Variants in CRACDL observed in about 807,000 individuals in gnomAD.
CRACDL encodes CRACD like, also known as CRACD-like protein.
A neutral mutation model predicts 70.6 loss-of-function variants in CRACDL; 26 were observed. The observed-to-expected ratio is 0.37, with a 90% confidence interval of 0.27 to 0.51. The LOEUF (loss-of-function observed/expected upper bound fraction) is 0.51, where lower values mean the gene tolerates loss of function less well. Ranked by LOEUF, CRACDL falls within the 20% of genes least tolerant of loss-of-function variation. The pLI is 0.94. For synonymous variants in CRACDL, 618 were observed against 615.2 expected (o/e 1.00, Z -0.07); for missense variants, 1,283 against 1,376.9 (o/e 0.93, Z 1.08).
At chr2:98,893,005 C>T (rs1318963829) in intron 1 of CRACDL, among the ~76,000 whole-genome samples, 6 of 152,190 alleles carry the variant, frequency 3.9e-5, no homozygotes, top group Admixed American at 2.6e-4. Flanking sequence ...AATCCCTGGC[C>T]GGCTCCCGTG....
intron 3 of CRACDL, among the ~76,000 whole-genome samples, chr2:98,833,345 G>A (rs1705628437): frequency 6.6e-6 from 1 of 152,264 alleles, no homozygotes; most frequent in South Asian, 2.1e-4. Flanking sequence ...GCCTGTCCCG[G>A]CTGCCCCAGG....
Position 98,822,816 on chromosome 2 carries a change from G to A in CRACDL, c.1457C>T (p.Ala486Val), listed in dbSNP as rs1179392406. 41 of 1,385,084 alleles carry A rather than the reference G, an allele frequency of 3.0e-5. No homozygotes were observed. Among genetic ancestry groups the A allele is most frequent in the Non-Finnish European group, 3.5e-5 (38 of 1,074,514 alleles). 85.8% of individuals were successfully genotyped at this position (1,385,084 alleles called of 1,614,324 possible). A position where few individuals can be genotyped will look rare whatever the true frequency, so the allele number is the denominator to read the frequency against. Residue 486 changes from alanine (A) to valine (V), a missense_variant, in exon 7 of 10, where the codon GCG becomes GTG. Physicochemically the swap from Ala to Val is moderately conservative, Grantham distance 64. Around this residue, in one of 2 missense-constraint regions of CRACDL, gnomAD observed 921 missense variants for 881.9 expected, o/e 1.04. Coordinates refer to ENST00000397899, the MANE Select transcript of CRACDL (RefSeq NM_207362.3). This position sits in a 1 kb window ranked among gnomAD's most constrained non-coding sequence, Gnocchi z 4.9. ...PERIGTEPST[A>V]PAPSPPAPKS... ...GGGCGCCGGCGGGCTCGGGGCGGGC[G>A]CCGTGGAGGGCTCGGTCCCAATTCT...
At chr2:98,923,189 T>G (rs1263639458) in intron 1 of CRACDL, among the ~76,000 whole-genome samples, 12 of 150,964 alleles carry the variant, frequency 7.9e-5, no homozygotes, top group Admixed American at 7.9e-4. Flanking sequence ...GAGAATCACT[T>G]GAACCCAGGA....
chr2:98,821,801 C>T, intron 7 of CRACDL, 56 bp downstream of exon 7: 2 of 1,577,694 alleles, frequency 1.3e-6, no homozygotes, highest in Non-Finnish European at 1.7e-6. Context: ...AAGATGTGCC[C>T]GTGGATGTGG....
At chr2:98,898,527 G>A (rs560496581) in intron 1 of CRACDL, among the ~76,000 whole-genome samples, 28 of 152,360 alleles carry the variant, frequency 1.8e-4, no homozygotes, top group Non-Finnish European at 3.1e-4. Flanking sequence ...GAGCATGCTC[G>A]GGGCCAGGGC....
intron 1 of CRACDL, among the ~76,000 whole-genome samples, chr2:98,934,578 C>T (rs1053862318): frequency 2.6e-5 from 4 of 152,192 alleles, no homozygotes; most frequent in African/African-American, 7.2e-5. Flanking sequence ...CCCCACATGA[C>T]GCATCCTATG....
intron 7 of CRACDL, among the ~76,000 whole-genome samples, chr2:98,808,074 C>G (rs140960579): frequency 6.6e-6 from 1 of 152,322 alleles, no homozygotes; most frequent in Non-Finnish European, 1.5e-5. Context: ...TTTAATTTCG[C>G]TTACATTTAC....
At chr2:98,800,313 G>A (rs1043509443) in intron 7 of CRACDL, among the ~76,000 whole-genome samples, 1 of 152,150 alleles carries the variant, frequency 6.6e-6, no homozygotes, top group Non-Finnish European at 1.5e-5. Flanking sequence ...GTTGGGATCT[G>A]GAGAACAATC....
chr2:98,923,252 CAG>C (rs1708844905), intron 1 of CRACDL, among the ~76,000 whole-genome samples: 2 of 142,262 alleles, frequency 1.4e-5, no homozygotes, highest in African/African-American at 5.3e-5. Flanking sequence ...GCCTGGGTGA[CAG>C]AGTGAGACAC....
chr2:98,854,124 A>G (rs991069172), intron 1 of CRACDL, among the ~76,000 whole-genome samples: 7 of 151,938 alleles, frequency 4.6e-5, no homozygotes, highest in Non-Finnish European at 1.0e-4. Flanking sequence ...TCTACTAAAA[A>G]TACAAAAATT....
intron 2 of CRACDL, among the ~76,000 whole-genome samples, chr2:98,845,053 G>A (rs932505669): frequency 1.3e-5 from 2 of 152,118 alleles, no homozygotes; most frequent in African/African-American, 2.4e-5. Flanking sequence ...AGGCCTTGTC[G>A]TTTGATATTT....
At chr2:98,916,171 C>T (rs943704728) in intron 1 of CRACDL, among the ~76,000 whole-genome samples, 3 of 152,160 alleles carry the variant, frequency 2.0e-5, no homozygotes, top group Admixed American at 1.3e-4. Flanking sequence ...TTCGTAGCAA[C>T]AGAAAGGAAG....
chr2:98,926,066 G>A (rs529867135), intron 1 of CRACDL, among the ~76,000 whole-genome samples: 2 of 152,166 alleles, frequency 1.3e-5, no homozygotes, highest in South Asian at 2.1e-4. Flanking sequence ...AAGAAAAACC[G>A]CTGTAGCTGG....
intron 1 of CRACDL, among the ~76,000 whole-genome samples, chr2:98,872,383 C>G (rs1430787229): frequency 6.6e-6 from 1 of 152,080 alleles, no homozygotes; most frequent in Non-Finnish European, 1.5e-5. Flanking sequence ...ACCACATGTT[C>G]TCACTTATAA....
intron 1 of CRACDL, among the ~76,000 whole-genome samples, chr2:98,849,939 TACTATAATCAA>T (rs1412329395): frequency 1.3e-5 from 2 of 152,112 alleles, no homozygotes; most frequent in African/African-American, 2.4e-5. Flanking sequence ...AGGATAATAA[TACTATAATCAA>T]ATGAAACCAG....
chr2:98,889,340 A>AAAGAAAGAAAGAAAGG (rs1231775878), intron 1 of CRACDL, among the ~76,000 whole-genome samples: 55 of 128,186 alleles, frequency 4.3e-4, no homozygotes, highest in South Asian at 1.9e-3. Context: ...AGAAAGAAAG[A>AAAGAAAGAAAGAAAGG]AAGGAAACAG....
At chr2:98,838,045 T>G in intron 3 of CRACDL, 74 bp downstream of exon 3, 1 of 1,333,422 alleles carries the variant, frequency 7.5e-7, no homozygotes, top group Non-Finnish European at 1.0e-6. Context: ...GGCTCAGAAA[T>G]CCAGCAAGTT....
intron 9 of CRACDL, among the ~76,000 whole-genome samples, chr2:98,795,757 G>A (rs1434545861): frequency 4.6e-5 from 7 of 152,134 alleles, no homozygotes. Flanking sequence ...GAATACTCAA[G>A]TACTGCAGTC....
intron 1 of CRACDL, 38 bp from the exon 2 acceptor site, chr2:98,846,848 T>G: frequency 6.5e-7 from 1 of 1,528,386 alleles, no homozygotes; most frequent in Non-Finnish European, 9.1e-7. Context: ...AGAAACATGG[T>G]TAGCAGAAGT....
Sources: allele counts gnomAD v4.1 joint callset (sites outside exome capture counted in the v4.1 genomes callset), GRCh38; gene constraint gnomAD v4.1.1; regional missense constraint gnomAD v4.1.1; non-coding constraint Gnocchi (gnomAD v3.1); transcripts MANE v1.5; gene names NCBI Gene and HGNC (gene_info 2026-07-23, HGNC 2026-07-21).